Variants in EPPK1 observed in about 807,000 individuals in gnomAD.
The protein encoded by EPPK1 is epiplakin 1, also known as epiplakin.
For synonymous variants in EPPK1, 1,862 were observed against 1,721.2 expected (o/e 1.08, Z -2.03); for missense variants, 3,823 against 3,673.3 (o/e 1.04, Z -1.05).
rs535561821 is a variant in EPPK1 at position 143,870,684 on chromosome 8, C to T, written c.2570G>A (p.Arg857His). Reference protein sequence around the residue: ...RRQLLRRYRQREVTLGQVAKL... With the variant: ...RRQLLRRYRQHEVTLGQVAKL... Reference sequence around the variant, plus strand: ...TGCCACCTGCCCCAGCGTGACCTCGCGCTGCCGGTAGCGACGCAGCAGCTG... The same window carrying T: ...TGCCACCTGCCCCAGCGTGACCTCGTGCTGCCGGTAGCGACGCAGCAGCTG... The change falls in exon 2 of 2, where the codon CGC becomes CAC. Residue 857 changes from arginine to histidine, a missense_variant. By Grantham distance (29) the Arg-to-His change is conservative. Transcript: ENST00000615648. This position sits in a 1 kb window ranked among gnomAD's most constrained non-coding sequence, Gnocchi z 5.2. 66 of 1,609,136 alleles carry T rather than the reference C, an allele frequency of 4.1e-5. No homozygotes were observed. The East Asian group carries it at 4.5e-4, about 11-fold the overall frequency.
chr8:143,869,128 G>A lies in EPPK1; in HGVS notation c.4126C>T (p.Gln1376Ter). 2 of 1,606,116 alleles carry A rather than the reference G, an allele frequency of 1.2e-6. No individual in the cohort carries two copies. The highest frequency in any genetic ancestry group is 1.7e-6 in the Non-Finnish European group (2 of 1,179,598). Residue 1376 changes from glutamine (Q) to a stop codon, truncating the protein, a stop_gained, in exon 2 of 2, where the codon CAG becomes TAG. Coordinates refer to ENST00000615648, the MANE Select transcript of EPPK1 (RefSeq NM_031308.4). LOFTEE classifies it low-confidence loss of function (END_TRUNC). ...AGGCCGAGTCTGCAGGCTGCCGCCT[G>A]GGGCAGGTGCACCCCGTGGACAGGG... ...VDPVHGVHLP[Q>*]AAACRLGLLD...
intron 1 of EPPK1, among the ~76,000 whole-genome samples, chr8:143,874,395 T>G (rs1208700596): frequency 6.6e-6 from 1 of 152,238 alleles, no homozygotes; most frequent in African/African-American, 2.4e-5. Context: ...ATCACCCAGT[T>G]AAGGTGAGGT....
intron 1 of EPPK1, among the ~76,000 whole-genome samples, chr8:143,876,628 G>A (rs900227490): frequency 6.6e-6 from 1 of 152,230 alleles, no homozygotes; most frequent in African/African-American, 2.4e-5. Flanking sequence ...GCGCTTTTGT[G>A]TCCACCTCTA....
At position 143,871,295 on chromosome 8, in the gene EPPK1, G is replaced by A. The variant is rs1422459098; in HGVS notation, c.1959C>T (p.Ile653=). The change falls in exon 2 of 2, where the codon ATC becomes ATT. Residue 653 remains isoleucine (I), a synonymous_variant. Coordinates refer to ENST00000615648, the MANE Select transcript of EPPK1 (RefSeq NM_031308.4). ...GCCCCTTGTTTGCTTTTGGGTCGATGATGAAGCCTGTGGCAGCTTGTGCCT... is the reference window on the plus strand; with the variant it reads ...GCCCCTTGTTTGCTTTTGGGTCGATAATGAAGCCTGTGGCAGCTTGTGCCT... ...LLEAQAATGF[I]IDPKANKGHS... is the part of the protein sequence containing the mutation. 23 of 1,612,504 alleles carry A rather than the reference G, an allele frequency of 1.4e-5. No homozygotes were observed. The highest frequency in any genetic ancestry group is 1.6e-4 in the Middle Eastern group (1 of 6,084).
Position 143,866,822 on chromosome 8 carries a change from T to G in EPPK1, c.6432A>C (p.Arg2144Ser), listed in dbSNP as rs369404340. Reference protein sequence around the residue: ...EKKLQLVRMYRTHTRRALQTV... With the variant: ...EKKLQLVRMYSTHTRRALQTV... Reference sequence around the variant, plus strand: ...TCTGCAGTGCCCGTCTGGTGTGTGTTCTATACATCCTCACCAGCTGGAGCT... The same window carrying G: ...TCTGCAGTGCCCGTCTGGTGTGTGTGCTATACATCCTCACCAGCTGGAGCT... The change falls in exon 2 of 2, where the codon AGA becomes AGC. Residue 2144 changes from arginine to serine, a missense_variant. Arg to Ser is a moderately radical substitution (Grantham distance 110). Transcript: ENST00000615648. 2.7e-5 allele frequency: 43 copies of G among 1,613,320 alleles called. No individual in the cohort carries two copies. The highest frequency in any genetic ancestry group is 3.6e-5 in the Non-Finnish European group (43 of 1,179,872).
chr8:143,869,529 A>G lies in EPPK1; in HGVS notation c.3725T>C (p.Leu1242Pro). The G allele has an allele frequency of 4.5e-6, 7 of 1,561,420 alleles. No individual in the cohort carries two copies. The highest frequency in any genetic ancestry group is 6.1e-6 in the Non-Finnish European group (7 of 1,156,430). The change falls in exon 2 of 2, where the codon CTG (leucine) becomes CCG (proline). Residue 1242 changes from leucine to proline, a missense_variant. Physicochemically the swap from Leu to Pro is moderately conservative, Grantham distance 98. Transcript: ENST00000615648. Reference sequence around the variant, plus strand: ...ACCGGCCACGCAGCCTGTGCCCCACAGGCAGGCCTTCACCGCCGGCTGCTC... The same window carrying G: ...ACCGGCCACGCAGCCTGTGCCCCACGGGCAGGCCTTCACCGCCGGCTGCTC... ...VAEQPAVKAC[L>P]WGTGCVAGVL... is the part of the protein sequence containing the mutation.
rs1554660283 is a variant in EPPK1 at position 143,869,270 on chromosome 8, T to C, written c.3984A>G (p.Pro1328=). The change falls in exon 2 of 2, where the codon CCA becomes CCG. Residue 1328 remains proline, a synonymous_variant. Transcript: ENST00000615648. ...AGAGGGAGGCCCTAGAGTAGGGATC[T>C]GGGTACCCGGCCGCCGCCCTCTCGG... ...GQAERAAAGY[P]DPYSRASLSL... The C allele has an allele frequency of 1.2e-6, 2 of 1,607,034 alleles. No homozygotes were observed. The highest frequency in any genetic ancestry group is 2.2e-5 in the South Asian group (2 of 90,622).
Position 143,866,807 on chromosome 8 carries a change from C to T in EPPK1, c.6447G>A (p.Arg2149=), listed in dbSNP as rs1285604339. ...TGAGCTGCGCTACCGTCTGCAGTGC[C>T]CGTCTGGTGTGTGTTCTATACATCC... ...LVRMYRTHTR[R]ALQTVAQLIL... The change falls in exon 2 of 2, where the codon CGG becomes CGA. Residue 2149 remains arginine (R), a synonymous_variant. Transcript: ENST00000615648. 1.9e-6 allele frequency: 3 copies of T among 1,613,474 alleles called. No individual in the cohort carries two copies. The highest frequency in any genetic ancestry group is 2.5e-6 in the Non-Finnish European group (3 of 1,179,864).
chr8:143,872,408 C>A lies in EPPK1; in HGVS notation c.846G>T (p.Glu282Asp). The A allele has an allele frequency of 6.2e-7, 1 of 1,602,218 alleles. No individual in the cohort carries two copies. The highest frequency in any genetic ancestry group is 8.5e-7 in the Non-Finnish European group (1 of 1,179,432). The stretch of plus-strand genomic sequence containing the variant: ...CAACCCCGGCCACGCTGCCGGTACC[C>A]TCCAGGTAGCGCCGCACCTCGGCAC... Reference protein sequence around the residue: ...SARAEVRRYLEGTGSVAGVVL... With the variant: ...SARAEVRRYLDGTGSVAGVVL... Residue 282 changes from glutamate to aspartate, a missense_variant, in exon 2 of 2, where the codon GAG becomes GAT. By Grantham distance (45) the Glu-to-Asp change is conservative (BLOSUM62 2). Coordinates refer to ENST00000615648, the MANE Select transcript of EPPK1 (RefSeq NM_031308.4).
Position 143,869,843 on chromosome 8 carries a change from C to T in EPPK1, c.3411G>A (p.Gly1137=). Residue 1137 remains glycine, a synonymous_variant, in exon 2 of 2, where the codon GGG becomes GGA. Transcript: ENST00000615648. The part of the protein sequence containing the change: ...QVQRSLQAVP[G]AKDGTSLWDL... ...CCCAGAGGGATGTGCCATCCTTGGC[C>T]CCCGGCACGGCCTGCAGGCTCCTCT... 1 of 1,598,990 alleles carries T rather than the reference C, an allele frequency of 6.3e-7. No homozygotes were observed. The highest frequency in any genetic ancestry group is 2.3e-5 in the East Asian group (1 of 44,256).
At position 143,857,755 on chromosome 8, in the gene EPPK1, T is replaced by C. The variant is rs575663241; in HGVS notation, c.*232A>G. The C allele has an allele frequency of 1.1e-5, 5 of 452,766 alleles. No individual in the cohort carries two copies. Among genetic ancestry groups the C allele is most frequent in the Middle Eastern group, 5.9e-4 (1 of 1,704 alleles). 28.0% of individuals were successfully genotyped at this position (452,766 alleles called of 1,614,324 possible). ...GAAAAAGGAGAGAAAAGTAAAACCA[T>C]ATGACACATAGACGACCCAGAAAAC... On this transcript the variant is annotated 3_prime_UTR_variant, in exon 2 of 2. Coordinates refer to ENST00000615648, the MANE Select transcript of EPPK1 (RefSeq NM_031308.4).
In EPPK1 at chr8:143,873,077, G is replaced by A. The variant is rs185626494; in HGVS notation, c.177C>T (p.Ala59=). Residue 59 remains alanine, a synonymous_variant, in exon 2 of 2, where the codon GCC becomes GCT. Transcript: ENST00000615648. ...EASGQAQSVY[A]AMEQGLLPAG... ...CAGGCAGGAGGCCCTGCTCCATGGC[G>A]GCGTAGACACTCTGGGCCTGGCCCG... 3.1e-4 allele frequency: 478 copies of A among 1,555,248 alleles called. No homozygotes were observed. The African/African-American group carries it at 5.1e-3, about 17-fold the overall frequency.
In EPPK1 at chr8:143,873,146, G is replaced by C. The variant is rs781898781; in HGVS notation, c.108C>G (p.Pro36=). ...CAGCTATGCTCCTGGCCTGGGGCCT[G>C]GGGGGCGTGCCGGCTCCCAGCGTGG... ...MAATLGAGTP[P]RPQARSIAGV... Residue 36 remains proline, a synonymous_variant, in exon 2 of 2, where the codon CCC becomes CCG. Coordinates refer to ENST00000615648, the MANE Select transcript of EPPK1 (RefSeq NM_031308.4). 21 of 1,587,030 alleles carry C rather than the reference G, an allele frequency of 1.3e-5. No homozygotes were observed. The South Asian group carries it at 2.3e-4, about 17-fold the overall frequency.
chr8:143,871,575 A>T lies in EPPK1; in HGVS notation c.1679T>A (p.Phe560Tyr). Reference sequence around the variant, plus strand: ...TGTCACGGTGTCCCTCAGCCCAGAAAAGGTGACCCTGGCAGTGGCTGCAGC... The same window carrying T: ...TGTCACGGTGTCCCTCAGCCCAGAATAGGTGACCCTGGCAGTGGCTGCAGC... ...EQAAATARVT[F>Y]SGLRDTVTPG... Residue 560 changes from phenylalanine to tyrosine, a missense_variant, in exon 2 of 2, where the codon TTT (phenylalanine) becomes TAT (tyrosine). Coordinates refer to ENST00000615648, the MANE Select transcript of EPPK1 (RefSeq NM_031308.4). 1 of 1,606,200 alleles carries T rather than the reference A, an allele frequency of 6.2e-7. No individual in the cohort carries two copies. Among genetic ancestry groups the T allele is most frequent in the Non-Finnish European group, 8.5e-7 (1 of 1,178,892 alleles).
At chr8:143,877,125 C>T (rs966214762) in intron 1 of EPPK1, among the ~76,000 whole-genome samples, 3 of 152,242 alleles carry the variant, frequency 2.0e-5, no homozygotes, top group East Asian at 1.9e-4. Flanking sequence ...GTGCATGCCC[C>T]GCACCATGCG....
At chr8:143,875,229 G>A (rs754378936) in intron 1 of EPPK1, among the ~76,000 whole-genome samples, 4 of 152,142 alleles carry the variant, frequency 2.6e-5, no homozygotes, top group Non-Finnish European at 4.4e-5. Context: ...CCCATGTCTG[G>A]TCTCACGAAG....
Position 143,867,804 on chromosome 8 carries a change from T to C in EPPK1, c.5450A>G (p.Tyr1817Cys). The C allele has an allele frequency of 3.1e-6, 5 of 1,613,656 alleles. No homozygotes were observed. Among genetic ancestry groups the C allele is most frequent in the South Asian group, 1.1e-5 (1 of 91,086 alleles). Residue 1817 changes from tyrosine (Y) to cysteine (C), a missense_variant, in exon 2 of 2, where the codon TAT (tyrosine) becomes TGT (cysteine). Transcript: ENST00000615648. Reference sequence around the variant, plus strand: ...CTCCAGGCCCCCACTCTGGGCTCCATACTCCTGGATGAGCTCCCGCTTCCT... The same window carrying C: ...CTCCAGGCCCCCACTCTGGGCTCCACACTCCTGGATGAGCTCCCGCTTCCT... ...EDRKRELIQEYGAQSGGLEKL... is the reference protein window; with the variant it reads ...EDRKRELIQECGAQSGGLEKL...
rs948761358 is a variant in EPPK1, at chr8:143,872,291, G to C, written c.963C>G (p.Ala321=). Residue 321 remains alanine (A), a synonymous_variant, in exon 2 of 2, where the codon GCC becomes GCG. Coordinates refer to ENST00000615648, the MANE Select transcript of EPPK1 (RefSeq NM_031308.4). ...CCACCAGGGTGTGGGTGGCAGCCTG[G>C]GCCTCTAGGAGTGGCAGCGCGGTGC... ...PMGTALPLLE[A]QAATHTLVDP... The C allele has an allele frequency of 1.2e-6, 2 of 1,603,800 alleles. No individual in the cohort carries two copies. The highest frequency in any genetic ancestry group is 1.7e-6 in the Non-Finnish European group (2 of 1,175,220).
In EPPK1 at chr8:143,869,737, G is replaced by T; in HGVS notation, c.3517C>A (p.Pro1173Thr). ...EDVQEGRTTVPQLLASVQRWV... is the reference protein window; with the variant it reads ...EDVQEGRTTVTQLLASVQRWV... ...CTCTGCACAGAGGCTAGCAGCTGTGGCACAGTGGTCCTCCCCTCCTGCACG... is the reference window on the plus strand; with the variant it reads ...CTCTGCACAGAGGCTAGCAGCTGTGTCACAGTGGTCCTCCCCTCCTGCACG... The change falls in exon 2 of 2, where the codon CCA becomes ACA. Residue 1173 changes from proline (P) to threonine (T), a missense_variant. By Grantham distance (38) the Pro-to-Thr change is conservative (BLOSUM62 -1). Transcript: ENST00000615648. 6.2e-7 allele frequency: 1 copy of T among 1,600,788 alleles called. No homozygotes were observed. Among genetic ancestry groups the T allele is most frequent in the Admixed American group, 1.7e-5 (1 of 58,392 alleles).
Sources: allele counts gnomAD v4.1 joint callset (sites outside exome capture counted in the v4.1 genomes callset), GRCh38; gene constraint gnomAD v4.1.1; non-coding constraint Gnocchi (gnomAD v3.1); transcripts MANE v1.5; gene names NCBI Gene and HGNC (gene_info 2026-07-23, HGNC 2026-07-21).